The following CLUH variants were observed in gnomAD, a reference collection of about 807,000 sequenced individuals.
The protein encoded by CLUH is clustered mitochondria protein homolog.
A neutral mutation model predicts 139.3 loss-of-function variants in CLUH; 77 were observed. The observed-to-expected ratio is 0.55, with a 90% CI of 0.46 to 0.67. The LOEUF is 0.67. CLUH is among the 30% of genes least tolerant of loss of function. The pLI, the probability that CLUH is intolerant of heterozygous loss-of-function variation, is 0.00. For synonymous variants in CLUH, 999 were observed against 801.6 expected (o/e 1.25, Z -4.16); for missense variants, 1,876 against 1,875.8 (o/e 1.00, Z 0.00).
At position 2,692,230 on chromosome 17, in the gene CLUH, AG is replaced by A; in HGVS notation, c.3560+130del. 5 of 1,438,734 alleles carry A rather than the reference AG, an allele frequency of 3.5e-6. No individual in the cohort carries two copies. In the South Asian group the frequency reaches 6.5e-5, roughly 19 times the overall value. The allele number at this position is 1,438,734 out of a possible 1,614,324, so 89.1% of individuals were successfully genotyped here. A position where few individuals can be genotyped will look rare whatever the true frequency, so the allele number is the denominator to read the frequency against. On this transcript the variant is annotated intron_variant, in intron 22 of 25. Coordinates refer to ENST00000651024, the MANE Select transcript of CLUH (RefSeq NM_001366661.1). ...GAGGGGAACAGCAAGTCCAGGGCTC[AG>A]GGAAGAGGGGGAGGTCGAGAGAAAT...
In CLUH at chr17:2,695,126, C is replaced by T. The variant is rs535776009; in HGVS notation, c.2608-25G>A. On this transcript the variant is annotated intron_variant, in intron 15 of 25. Transcript: ENST00000651024. Reference sequence around the variant, plus strand: ...CCTGCGAGGCAGGTTGGATCCGAGTCATGAGGGCCCTCAGCCCCACCTCAG... The same window carrying T: ...CCTGCGAGGCAGGTTGGATCCGAGTTATGAGGGCCCTCAGCCCCACCTCAG... The T allele has an allele frequency of 1.8e-4, 297 of 1,612,538 alleles. 2 individuals are homozygous for T. In the South Asian group the frequency reaches 3.2e-3, roughly 17 times the overall value.
At chr17:2,711,390 G>A (rs1034380342) in intron 1 of CLUH, among the ~76,000 whole-genome samples, 172 bp downstream of exon 1, 3 of 152,082 alleles carry the variant, frequency 2.0e-5, no homozygotes, top group African/African-American at 7.2e-5. Flanking sequence ...GGCCGCAGCC[G>A]GGGGCGACTG....
At chr17:2,695,918 C>T (rs2069922852) in intron 13 of CLUH, 1 of 587,992 alleles carries the variant, frequency 1.7e-6, no homozygotes, top group Non-Finnish European at 3.0e-6. Context: ...CCAGCCATGC[C>T]ACCATCCAGG....
At chr17:2,708,860 CGGG>C (rs58322536) in intron 1 of CLUH, among the ~76,000 whole-genome samples, 1 of 44,086 alleles carries the variant, frequency 2.3e-5, no homozygotes, top group African/African-American at 4.6e-5. Context: ...AGCCTCTACT[CGGG>C]GGGGGGGGAG....
At position 2,698,154 on chromosome 17, in the gene CLUH, A is replaced by G; in HGVS notation, c.1703T>C (p.Ile568Thr). 1 of 1,580,324 alleles carries G rather than the reference A, an allele frequency of 6.3e-7. No individual in the cohort carries two copies. Among genetic ancestry groups the G allele is most frequent in the Non-Finnish European group, 8.6e-7 (1 of 1,164,324 alleles). Residue 568 changes from isoleucine (I) to threonine (T), a missense_variant, in exon 10 of 26, where the codon ATC (isoleucine) becomes ACC (threonine). Around this residue, in one of 3 missense-constraint regions of CLUH, gnomAD observed 1,454 missense variants for 1,384.4 expected, o/e 1.05. Coordinates refer to ENST00000651024, the MANE Select transcript of CLUH (RefSeq NM_001366661.1). Reference protein sequence around the residue: ...LLERTSRPLKILRHQVLNDRD... With the variant: ...LLERTSRPLKTLRHQVLNDRD... ...GTCGTTGAGCACCTGGTGCCGCAGG[A>G]TCTTGAGGGGCCGACTCGTGCGCTC...
At chr17:2,696,358 A>AGCCCC (rs1420887912) in intron 12 of CLUH, 76 bp downstream of exon 12, 2 of 1,511,354 alleles carry the variant, frequency 1.3e-6, no homozygotes, top group East Asian at 4.9e-5. Context: ...CAAACCCACC[A>AGCCCC]GCCCCAAGGG....
rs1005467324 is a variant in CLUH at position 2,694,694 on chromosome 17, C to T, written c.2853-130G>A. 2.0e-4 allele frequency: 272 copies of T among 1,328,392 alleles called. 2 individuals carry two copies. The African/African-American group carries it at 3.1e-3, about 15-fold the overall frequency. The allele number at this position is 1,328,392 out of a possible 1,614,324, so 82.3% of individuals were successfully genotyped here. On this transcript the variant is annotated intron_variant, in intron 16 of 25. Coordinates refer to ENST00000651024, the MANE Select transcript of CLUH (RefSeq NM_001366661.1). Reference sequence around the variant, plus strand: ...CCCCACCCGGCCCCCGGGAGCCTCCCGGCTGCCCTCACCCTCCAGCACCCA... The same window carrying T: ...CCCCACCCGGCCCCCGGGAGCCTCCTGGCTGCCCTCACCCTCCAGCACCCA...
chr17:2,699,072 C>A (rs900109041), intron 9 of CLUH, among the ~76,000 whole-genome samples: 5 of 151,962 alleles, frequency 3.3e-5, no homozygotes, highest in Non-Finnish European at 2.9e-5. Context: ...AAACCAAAAC[C>A]CCCATGTTTT....
chr17:2,702,010 C>A lies in CLUH; in HGVS notation c.523G>T (p.Asp175Tyr). Residue 175 changes from aspartate to tyrosine, a missense_variant, in exon 4 of 26, where the codon GAC (aspartate) becomes TAC (tyrosine). Asp to Tyr is a radical substitution (Grantham distance 160, BLOSUM62 -3). Transcript: ENST00000651024. ...GATGGGTCCAGGCTCTTGAGCAGGTCTCGGACATGGCGCACGTGGATGCGG... is the reference window on the plus strand; with the variant it reads ...GATGGGTCCAGGCTCTTGAGCAGGTATCGGACATGGCGCACGTGGATGCGG... Reference protein sequence around the residue: ...EARIHVRHVRDLLKSLDPSDA... With the variant: ...EARIHVRHVRYLLKSLDPSDA... The A allele has an allele frequency of 6.2e-7, 1 of 1,613,992 alleles. No homozygotes were observed. Among genetic ancestry groups the A allele is most frequent in the Non-Finnish European group, 8.5e-7 (1 of 1,179,896 alleles).
chr17:2,698,624 C>T (rs374159826), intron 9 of CLUH, 34 bp from the exon 10 acceptor site: 28 of 1,520,130 alleles, frequency 1.8e-5, no homozygotes, highest in South Asian at 2.5e-5. Flanking sequence ...GGTTAGAGGC[C>T]GCGCCCACAA....
Position 2,701,263 on chromosome 17 carries a change from G to A in CLUH, c.902C>T (p.Ser301Phe). The A allele has an allele frequency of 6.2e-7, 1 of 1,612,062 alleles. No homozygotes were observed. Among genetic ancestry groups the A allele is most frequent in the Admixed American group, 1.7e-5 (1 of 59,710 alleles). Reference sequence around the variant, plus strand: ...CTTGGGGTTGAAGTGATAAGCTGTGGACCTGCAGGGAGAGGGCGGGCACTG... The same window carrying A: ...CTTGGGGTTGAAGTGATAAGCTGTGAACCTGCAGGGAGAGGGCGGGCACTG... The part of the protein sequence containing the change: ...ASTRGFYLNQ[S>F]TAYHFNPKPA... Residue 301 changes from serine (S) to phenylalanine (F), a missense_variant and splice_region_variant, in exon 7 of 26, where the codon TCC becomes TTC. Around this residue, in one of 3 missense-constraint regions of CLUH, gnomAD observed 270 missense variants for 354.7 expected, o/e 0.76. Transcript: ENST00000651024.
At chr17:2,693,863 C>T (rs777481250) in intron 19 of CLUH, 37 bp downstream of exon 19, 3 of 1,575,324 alleles carry the variant, frequency 1.9e-6, no homozygotes, top group South Asian at 1.2e-5. Context: ...TCCCCCAACA[C>T]GAGGCCAGGC....
rs766307177 is a variant in CLUH, at chr17:2,694,904, C to T, written c.2805G>A (p.Lys935=). The change falls in exon 16 of 26, where the codon AAG becomes AAA. Residue 935 remains lysine (K), a synonymous_variant. Transcript: ENST00000651024. ...WAVMTPQELW[K]NICQEAKNYF... ...AGTTCTTGGCCTCCTGGCAGATGTT[C>T]TTCCAGAGCTCCTGGGGGGTCATGA... The T allele has an allele frequency of 6.6e-7, 1 of 1,514,050 alleles. No homozygotes were observed. Among genetic ancestry groups the T allele is most frequent in the South Asian group, 1.1e-5 (1 of 87,736 alleles). The allele number at this position is 1,514,050 out of a possible 1,614,324, so 93.8% of individuals were successfully genotyped here.
At chr17:2,690,850 T>G in intron 25 of CLUH, 73 bp from the exon 26 acceptor site, 1 of 1,248,154 alleles carries the variant, frequency 8.0e-7, no homozygotes, top group Non-Finnish European at 1.1e-6. Flanking sequence ...CCGGCTTTCC[T>G]GTGGGATAAG....
At position 2,696,847 on chromosome 17, in the gene CLUH, G is replaced by A. The variant is rs746331794; in HGVS notation, c.2057C>T (p.Ser686Phe). 7.4e-6 allele frequency: 12 copies of A among 1,613,596 alleles called. No homozygotes were observed. The East Asian group carries it at 1.8e-4, about 24-fold the overall frequency. ...TPSSLENGGP[S>F]SLESKSEDPP... is the part of the protein sequence containing the mutation. ...ATCCTCAGACTTGGACTCCAAGGAGGAAGGACCACCATTTTCCAGGGAGGA... is the reference window on the plus strand; with the variant it reads ...ATCCTCAGACTTGGACTCCAAGGAGAAAGGACCACCATTTTCCAGGGAGGA... The change falls in exon 11 of 26, where the codon TCC becomes TTC. Residue 686 changes from serine (S) to phenylalanine (F), a missense_variant. By Grantham distance (155) the Ser-to-Phe change is radical. Around this residue, in one of 3 missense-constraint regions of CLUH, gnomAD observed 1,454 missense variants for 1,384.4 expected, o/e 1.05. Transcript: ENST00000651024.
rs1220480291 is a variant in CLUH at position 2,696,541 on chromosome 17, G to A, written c.2186-3C>T. The A allele has an allele frequency of 1.3e-6, 2 of 1,563,724 alleles. No homozygotes were observed. The highest frequency in any genetic ancestry group is 2.4e-5 in the East Asian group (1 of 42,006). The stretch of plus-strand genomic sequence containing the variant: ...CACCTCCCGGCTCCGAGGGTCTGCT[G>A]TGGAGACATGGCTCCATGAGACACG... On this transcript the variant is annotated splice_region_variant and splice_polypyrimidine_tract_variant and intron_variant, in intron 11 of 25. Transcript: ENST00000651024.
In CLUH at chr17:2,700,737, C is replaced by A. The variant is rs566844565; in HGVS notation, c.1114G>T (p.Val372Leu). The A allele has an allele frequency of 7.8e-6, 12 of 1,545,978 alleles. No homozygotes were observed. In the South Asian group the frequency reaches 1.4e-4, roughly 18 times the overall value. ...GAGGTGTAGGCGTCCTCTGCACGCA[C>A]GCAATCCATGGCATGCTCCGCCTGG... Reference protein sequence around the residue: ...APQAEHAMDCVRAEDAYTSRL... With the variant: ...APQAEHAMDCLRAEDAYTSRL... Residue 372 changes from valine (V) to leucine (L), a missense_variant, in exon 8 of 26, where the codon GTG (valine) becomes TTG (leucine). Val to Leu is a conservative substitution (Grantham distance 32). Around this residue, in one of 3 missense-constraint regions of CLUH, gnomAD observed 1,454 missense variants for 1,384.4 expected, o/e 1.05. Transcript: ENST00000651024.
chr17:2,694,672 C>A, intron 16 of CLUH, 108 bp from the exon 17 acceptor site: 1 of 1,337,640 alleles, frequency 7.5e-7, no homozygotes, highest in Admixed American at 2.3e-5. Flanking sequence ...AACACTGCCC[C>A]ACCCGGCCCC....
At position 2,704,339 on chromosome 17, in the gene CLUH, C is replaced by T; in HGVS notation, c.303+23G>A. 1.9e-6 allele frequency: 3 copies of T among 1,602,016 alleles called. No individual in the cohort carries two copies. Among genetic ancestry groups the T allele is most frequent in the East Asian group, 4.5e-5 (2 of 44,026 alleles). ...CCCCAGCAGGCTCAGGCCTGGCCCC[C>T]AGCACCCGTTCCTCCATCTTACCTG... On this transcript the variant is annotated intron_variant, in intron 2 of 25. Transcript: ENST00000651024. The surrounding 1 kb of genome is among the most constrained non-coding windows in gnomAD (Gnocchi z 5.7).
Sources: allele counts gnomAD v4.1 joint callset (sites outside exome capture counted in the v4.1 genomes callset), GRCh38; gene constraint gnomAD v4.1.1; regional missense constraint gnomAD v4.1.1; non-coding constraint Gnocchi (gnomAD v3.1); transcripts MANE v1.5; gene names NCBI Gene and HGNC (gene_info 2026-07-23, HGNC 2026-07-21).